The following GPC5 variants were observed in gnomAD, a reference collection of about 807,000 sequenced individuals.
GPC5 encodes the protein glypican-5.
A neutral mutation model predicts 53.9 loss-of-function variants in GPC5; 47 were observed. The ratio of observed to expected loss-of-function variants is 0.87; its 90% confidence interval spans 0.69 to 1.11. The LOEUF (loss-of-function observed/expected upper bound fraction) is 1.11, where lower values mean the gene tolerates loss of function less well. Among genes scored for constraint, GPC5 ranks in the 50% most tolerant of loss-of-function variants. GPC5 has a pLI of 0.00. For missense variants in GPC5, 748 were observed against 713.1 expected (o/e 1.05, Z -0.56); for synonymous variants, 286 against 263.3 (o/e 1.09, Z -0.84).
chr13:92,847,465 T>C (rs953730183), intron 7 of GPC5, among the ~76,000 whole-genome samples: 6 of 152,042 alleles, frequency 3.9e-5, no homozygotes, highest in African/African-American at 1.2e-4. Context: ...CTTCTCTTGA[T>C]AGTGAGTTCT....
At chr13:92,180,468 A>C (rs1365208844) in intron 7 of GPC5, among the ~76,000 whole-genome samples, 2 of 152,112 alleles carry the variant, frequency 1.3e-5, no homozygotes, top group African/African-American at 4.8e-5. Context: ...AAATGTCAAC[A>C]GTGGTCACCT....
chr13:92,145,031 T>A, intron 7 of GPC5, 42 bp downstream of exon 7: 1 of 1,306,884 alleles, frequency 7.7e-7, no homozygotes, highest in Non-Finnish European at 9.9e-7. Flanking sequence ...AAACAATGAT[T>A]TTGAAATATA....
chr13:91,758,105 G>T (rs1323183957), intron 5 of GPC5, among the ~76,000 whole-genome samples: 1 of 152,018 alleles, frequency 6.6e-6, no homozygotes, highest in East Asian at 1.9e-4. Flanking sequence ...ATAATTGGCT[G>T]ATATGACTAG....
intron 7 of GPC5, among the ~76,000 whole-genome samples, chr13:92,286,642 A>G (rs1208072602): frequency 1.3e-5 from 2 of 151,278 alleles, no homozygotes; most frequent in Non-Finnish European, 2.9e-5. Context: ...AGGACAAAAA[A>G]CCAAATACCG....
chr13:92,802,724 C>T (rs1338884234), intron 7 of GPC5, among the ~76,000 whole-genome samples: 2 of 151,936 alleles, frequency 1.3e-5, no homozygotes, highest in Admixed American at 6.6e-5. Flanking sequence ...CGCATGTTCT[C>T]ACTCATAGGT....
intron 7 of GPC5, among the ~76,000 whole-genome samples, chr13:92,531,245 A>C (rs1487745596): frequency 6.6e-6 from 1 of 152,134 alleles, no homozygotes; most frequent in Non-Finnish European, 1.5e-5. Flanking sequence ...ATGTAATAAA[A>C]TATTAATATT....
At chr13:92,851,237 A>G (rs1373462522) in intron 7 of GPC5, among the ~76,000 whole-genome samples, 2 of 152,108 alleles carry the variant, frequency 1.3e-5, no homozygotes, top group Non-Finnish European at 2.9e-5. Context: ...AGCACTGGGG[A>G]TTACTATTTG....
chr13:92,471,168 G>C (rs374092423), intron 7 of GPC5, among the ~76,000 whole-genome samples: 9 of 152,248 alleles, frequency 5.9e-5, no homozygotes, highest in African/African-American at 1.7e-4. Flanking sequence ...AAGTCCTATA[G>C]GGAGGGAGGG....
chr13:91,598,479 G>C (rs1002987587), intron 2 of GPC5, among the ~76,000 whole-genome samples: 10 of 151,890 alleles, frequency 6.6e-5, no homozygotes, highest in Admixed American at 2.6e-4. Flanking sequence ...AAAAGATTCT[G>C]GTTGTGGTCA....
At chr13:92,648,083 A>G (rs1201143499) in intron 7 of GPC5, among the ~76,000 whole-genome samples, 2 of 152,086 alleles carry the variant, frequency 1.3e-5, no homozygotes, top group Non-Finnish European at 2.9e-5. Context: ...CCTTTTCTAA[A>G]TAATCACTAA....
chr13:91,959,491 C>A (rs1364111395), intron 6 of GPC5, among the ~76,000 whole-genome samples: 1 of 151,848 alleles, frequency 6.6e-6, no homozygotes, highest in Non-Finnish European at 1.5e-5. Flanking sequence ...ACTAGTTCTC[C>A]TCAAACTGTT....
intron 2 of GPC5, among the ~76,000 whole-genome samples, chr13:91,652,846 G>A (rs551898257): frequency 1.3e-5 from 2 of 152,192 alleles, no homozygotes; most frequent in African/African-American, 2.4e-5. Flanking sequence ...ACAGTTGATC[G>A]TTTACTTTAG....
At chr13:92,766,347 C>T (rs1397162356) in intron 7 of GPC5, among the ~76,000 whole-genome samples, 1 of 146,834 alleles carries the variant, frequency 6.8e-6, no homozygotes, top group Non-Finnish European at 1.5e-5. Context: ...CAAAAAGTAA[C>T]TGAACAACAT....
At chr13:92,031,750 T>TA (rs1458073964) in intron 6 of GPC5, among the ~76,000 whole-genome samples, 929 of 84,398 alleles carry the variant, frequency 0.011, 232 homozygotes, top group East Asian at 0.029. Flanking sequence ...ATATAATATA[T>TA]ATTATATTAC....
chr13:92,715,268 A>C (rs1054052101), intron 7 of GPC5, among the ~76,000 whole-genome samples: 6 of 152,180 alleles, frequency 3.9e-5, no homozygotes, highest in Non-Finnish European at 8.8e-5. Flanking sequence ...TTTCTTGTTC[A>C]GATGAGACCC....
intron 7 of GPC5, among the ~76,000 whole-genome samples, chr13:92,655,785 T>A (rs1016908177): frequency 6.6e-6 from 1 of 152,160 alleles, no homozygotes; most frequent in African/African-American, 2.4e-5. Context: ...TGGATAACAG[T>A]TTTCAAGTAA....
intron 7 of GPC5, among the ~76,000 whole-genome samples, chr13:92,756,127 C>G (rs1008031051): frequency 4.6e-5 from 7 of 151,848 alleles, no homozygotes; most frequent in Admixed American, 4.6e-4. Flanking sequence ...AAAAGCTTAT[C>G]CACCATGATC....
intron 5 of GPC5, among the ~76,000 whole-genome samples, chr13:91,835,447 T>C (rs922639106): frequency 2.6e-5 from 4 of 152,214 alleles, no homozygotes; most frequent in Non-Finnish European, 5.9e-5. Context: ...ATATGTTTAT[T>C]GTGGCACTAT....
chr13:92,659,971 A>G (rs1465671704), intron 7 of GPC5, among the ~76,000 whole-genome samples: 1 of 152,198 alleles, frequency 6.6e-6, no homozygotes, highest in African/African-American at 2.4e-5. Flanking sequence ...CACTGCTTGT[A>G]TATGAAACCA....
Sources: allele counts gnomAD v4.1 joint callset (sites outside exome capture counted in the v4.1 genomes callset), GRCh38; gene constraint gnomAD v4.1.1; transcripts MANE v1.5; gene names NCBI Gene and HGNC (gene_info 2026-07-23, HGNC 2026-07-21).